The following THSD7A variants were observed in gnomAD, a reference collection of about 807,000 sequenced individuals.
THSD7A encodes the protein thrombospondin type-1 domain-containing protein 7A.
A neutral mutation model predicts 231.3 loss-of-function variants in THSD7A; 96 were observed. The ratio of observed to expected loss-of-function variants is 0.41; its 90% CI spans 0.35 to 0.49. The LOEUF is 0.49. THSD7A is among the 20% of genes least tolerant of loss of function. The pLI is 0.05. For synonymous variants in THSD7A, 940 were observed against 743.3 expected (o/e 1.26, Z -4.30); for missense variants, 2,290 against 2,070.2 (o/e 1.11, Z -2.06).
chr7:11,627,504 G>T (rs1421755928), intron 2 of THSD7A, among the ~76,000 whole-genome samples: 3 of 151,928 alleles, frequency 2.0e-5, no homozygotes, highest in African/African-American at 7.3e-5. Flanking sequence ...AATTTTTCAT[G>T]AAATCTTGGA....
At chr7:11,544,102 G>C (rs550309633) in intron 4 of THSD7A, among the ~76,000 whole-genome samples, 258 of 152,140 alleles carry the variant, frequency 1.7e-3, no homozygotes, top group African/African-American at 5.6e-3. Context: ...CCAGCATTTT[G>C]GGAGGACGAG....
At chr7:11,479,817 G>A (rs887415094) in intron 7 of THSD7A, among the ~76,000 whole-genome samples, 2 of 152,044 alleles carry the variant, frequency 1.3e-5, no homozygotes, top group Admixed American at 1.3e-4. Context: ...TATTAACAGA[G>A]GTAAATAGCA....
intron 6 of THSD7A, among the ~76,000 whole-genome samples, chr7:11,483,177 T>C (rs966699857): frequency 6.6e-6 from 1 of 152,204 alleles, no homozygotes; most frequent in Non-Finnish European, 1.5e-5. Context: ...CCAAGCTGTT[T>C]CTCACTTGGG....
At chr7:11,567,294 C>G (rs532412589) in intron 4 of THSD7A, among the ~76,000 whole-genome samples, 34 of 152,150 alleles carry the variant, frequency 2.2e-4, no homozygotes, top group African/African-American at 6.3e-4. Context: ...AAGACAAGTG[C>G]AGAGTAAAGG....
intron 1 of THSD7A, among the ~76,000 whole-genome samples, chr7:11,668,991 T>A (rs140916575): frequency 6.6e-6 from 1 of 152,166 alleles, no homozygotes; most frequent in Non-Finnish European, 1.5e-5. Flanking sequence ...TGTTGGCTAT[T>A]ACATGGTATG....
intron 23 of THSD7A, among the ~76,000 whole-genome samples, chr7:11,390,079 T>C (rs185627106): frequency 7.6e-4 from 115 of 152,198 alleles, no homozygotes; most frequent in African/African-American, 2.4e-3. Context: ...GTGAATCTGA[T>C]GATTATGTGT....
At chr7:11,478,173 T>C (rs1786273469) in intron 7 of THSD7A, among the ~76,000 whole-genome samples, 1 of 152,178 alleles carries the variant, frequency 6.6e-6, no homozygotes, top group South Asian at 2.1e-4. Context: ...CAAGATATCT[T>C]CATTACTCTG....
intron 1 of THSD7A, among the ~76,000 whole-genome samples, chr7:11,708,313 A>C (rs1357240610): frequency 6.6e-6 from 1 of 150,848 alleles, no homozygotes; most frequent in Non-Finnish European, 1.5e-5. Context: ...TTTAAAAAAT[A>C]TAAAATGGAT....
intron 1 of THSD7A, among the ~76,000 whole-genome samples, chr7:11,669,026 G>A (rs1783268690): frequency 1.3e-5 from 2 of 152,224 alleles, no homozygotes; most frequent in South Asian, 4.1e-4. Flanking sequence ...TGCCTACAGA[G>A]TCAGTTTCTC....
chr7:11,680,413 C>A (rs1374087195), intron 1 of THSD7A, among the ~76,000 whole-genome samples: 1 of 152,102 alleles, frequency 6.6e-6, no homozygotes, highest in Non-Finnish European at 1.5e-5. Flanking sequence ...AGTGAACAGG[C>A]AACCTACAGA....
chr7:11,494,214 C>A (rs1405909181), intron 6 of THSD7A, among the ~76,000 whole-genome samples: 2 of 151,996 alleles, frequency 1.3e-5, no homozygotes, highest in African/African-American at 4.8e-5. Flanking sequence ...AAAAACAAAA[C>A]CAACTGGTCA....
At chr7:11,789,487 T>A (rs1226175474) in intron 1 of THSD7A, among the ~76,000 whole-genome samples, 1 of 152,004 alleles carries the variant, frequency 6.6e-6, no homozygotes, top group Admixed American at 6.6e-5. Context: ...GCTGGCAACA[T>A]GTCTTTTTTA....
intron 2 of THSD7A, among the ~76,000 whole-genome samples, chr7:11,602,200 C>T (rs1780575266): frequency 6.6e-6 from 1 of 151,906 alleles, no homozygotes; most frequent in African/African-American, 2.4e-5. Flanking sequence ...ATTTTCAACA[C>T]AGGTATTAAA....
intron 16 of THSD7A, among the ~76,000 whole-genome samples, chr7:11,423,501 T>A (rs768769619): frequency 2.6e-5 from 4 of 151,898 alleles, no homozygotes; most frequent in Non-Finnish European, 5.9e-5. Context: ...CCCGAGTAGC[T>A]GGGACTACAG....
At chr7:11,663,078 A>T (rs926236525) in intron 1 of THSD7A, among the ~76,000 whole-genome samples, 2 of 151,366 alleles carry the variant, frequency 1.3e-5, no homozygotes, top group Non-Finnish European at 3.0e-5. Context: ...TTAATTAATG[A>T]AATGGAAATC....
intron 15 of THSD7A, 21 bp downstream of exon 15, chr7:11,426,645 A>T: frequency 6.5e-7 from 1 of 1,549,196 alleles, no homozygotes. Flanking sequence ...ATCAAAAAGC[A>T]TGAGGTTTAA....
At chr7:11,744,410 T>C (rs1017487182) in intron 1 of THSD7A, among the ~76,000 whole-genome samples, 16 of 151,326 alleles carry the variant, frequency 1.1e-4, no homozygotes, top group African/African-American at 2.7e-4. Context: ...ATTTTTATGA[T>C]ACCAGGTTTT....
Position 11,406,809 on chromosome 7 carries a change from C to T in THSD7A, c.4062+101G>A, listed in dbSNP as rs1239058835. On this transcript the variant is annotated intron_variant, in intron 21 of 27. Transcript: ENST00000423059. The surrounding 1 kb of genome is among the most constrained non-coding windows in gnomAD (Gnocchi z 4.7). ...TTTTAAGAAGCTTGTCATCTGTGAG[C>T]TCTGAAACATATTTCTAACACATTA... 7.3e-7 allele frequency: 1 copy of T among 1,374,078 alleles called. No individual in the cohort carries two copies. Among genetic ancestry groups the T allele is most frequent in the African/African-American group, 1.5e-5 (1 of 68,562 alleles). 85.1% of individuals were successfully genotyped at this position (1,374,078 alleles called of 1,614,324 possible). A position where few individuals can be genotyped will look rare whatever the true frequency, so the allele number is the denominator to read the frequency against.
At chr7:11,548,712 A>C (rs1789499741) in intron 4 of THSD7A, among the ~76,000 whole-genome samples, 2 of 152,124 alleles carry the variant, frequency 1.3e-5, no homozygotes, top group African/African-American at 4.8e-5. Context: ...CAATATACAC[A>C]AATAAATATG....
Sources: allele counts gnomAD v4.1 joint callset (sites outside exome capture counted in the v4.1 genomes callset), GRCh38; gene constraint gnomAD v4.1.1; non-coding constraint Gnocchi (gnomAD v3.1); transcripts MANE v1.5; gene names NCBI Gene and HGNC (gene_info 2026-07-23, HGNC 2026-07-21).